STAT4: variants seen among roughly 807,000 people sequenced by gnomAD.
STAT4 encodes signal transducer and activator of transcription 4.
STAT4 carries 42 observed loss-of-function variants against 110.5 expected under a neutral mutation model. The observed-to-expected ratio is 0.38, with a 90% CI of 0.30 to 0.49. The LOEUF is 0.49. STAT4 is among the 20% of genes least tolerant of loss of function. STAT4 has a pLI of 0.95. For synonymous variants in STAT4, 284 were observed against 302.2 expected (o/e 0.94, Z 0.63); for missense variants, 632 against 887.9 (o/e 0.71, Z 3.66).
intron 3 of STAT4, among the ~76,000 whole-genome samples, chr2:191,109,505 C>T (rs1337876759): frequency 6.6e-6 from 1 of 152,056 alleles, no homozygotes; most frequent in East Asian, 1.9e-4. Flanking sequence ...AACATAGATG[C>T]TATGAATTCA....
intron 8 of STAT4, among the ~76,000 whole-genome samples, chr2:191,063,396 C>T (rs1696901810): frequency 6.6e-6 from 1 of 152,172 alleles, no homozygotes; most frequent in African/African-American, 2.4e-5. Flanking sequence ...TTTTACAAGT[C>T]CTAAGTACTA....
At chr2:191,102,148 C>T (rs890030115) in intron 3 of STAT4, among the ~76,000 whole-genome samples, 3 of 151,896 alleles carry the variant, frequency 2.0e-5, no homozygotes, top group African/African-American at 7.3e-5. Context: ...CAGACATTGG[C>T]GATGACCTTT....
rs1041442639 is a variant in STAT4 at position 191,043,570 on chromosome 2, G to T, written c.1252-2422C>A. 4.6e-5 allele frequency among the ~76,000 whole-genome samples: 7 copies of T among 151,956 alleles called. No homozygotes were observed. The highest frequency in any genetic ancestry group is 1.7e-4 in the African/African-American group (7 of 41,354). On this transcript the variant is annotated intron_variant, in intron 14 of 23. Coordinates refer to ENST00000392320, the MANE Select transcript of STAT4 (RefSeq NM_003151.4). This position sits in a 1 kb window ranked among gnomAD's most constrained non-coding sequence, Gnocchi z 4.8. ...AATTCTTGTTGAATCATCTGATTCT[G>T]ACTCATCTGCTACCAAATATATATA...
intron 3 of STAT4, among the ~76,000 whole-genome samples, chr2:191,105,604 C>G (rs13401064): frequency 0.086 from 13,016 of 152,062 alleles, 601 homozygotes; most frequent in South Asian, 0.13. Flanking sequence ...AAATAAAAAG[C>G]CAGTCTTCAT....
rs746976284 is a variant in STAT4, at chr2:191,090,717, T to C, written c.274-14392A>G. ...CTGGGACTAGAGGCACCCGCCACCA[T>C]GCCCGGCTAATTTTTTGTATTTTTA... On this transcript the variant is annotated intron_variant, in intron 3 of 23. Transcript: ENST00000392320. The surrounding 1 kb of genome is among the most constrained non-coding windows in gnomAD (Gnocchi z 4.2). Among the ~76,000 whole-genome samples, 2 of 151,990 alleles carry C rather than the reference T, an allele frequency of 1.3e-5. No homozygotes were observed. Among genetic ancestry groups the C allele is most frequent in the Admixed American group, 6.6e-5 (1 of 15,262 alleles).
rs16833235 is a variant in STAT4 at position 191,074,047 on chromosome 2, T to C, written c.373-857A>G. 7.9e-3 allele frequency among the ~76,000 whole-genome samples: 1,198 copies of C among 152,354 alleles called. 15 individuals carry two copies. Among genetic ancestry groups the C allele is most frequent in the Middle Eastern group, 0.037 (11 of 294 alleles). ...GGCCCTAAATTTAGAATTGGGGATG[T>C]TGAATCTGCTGGGATGAGATTTGTT... On this transcript the variant is annotated intron_variant, in intron 4 of 23. Coordinates refer to ENST00000392320, the MANE Select transcript of STAT4 (RefSeq NM_003151.4).
chr2:191,068,388 A>G (rs1239886588), intron 6 of STAT4: 2 of 152,136 alleles, frequency 1.3e-5, no homozygotes, highest in East Asian at 3.8e-4. Context: ...TGTTTGTGCC[A>G]TTTCTTCTGA....
chr2:191,090,818 C>T lies in STAT4; in HGVS notation c.274-14493G>A, dbSNP rs1166008138. 6.6e-6 allele frequency among the ~76,000 whole-genome samples: 1 copy of T among 152,110 alleles called. No individual in the cohort carries two copies. Among genetic ancestry groups the T allele is most frequent in the African/African-American group, 2.4e-5 (1 of 41,428 alleles). On this transcript the variant is annotated intron_variant, in intron 3 of 23. Coordinates refer to ENST00000392320, the MANE Select transcript of STAT4 (RefSeq NM_003151.4). This position sits in a 1 kb window ranked among gnomAD's most constrained non-coding sequence, Gnocchi z 4.2. The stretch of plus-strand genomic sequence containing the variant: ...CCAAGACAGGGGATGGTCTCGATCC[C>T]CTGACCTCGTGATCCACCCACCTTG...
In STAT4 at chr2:191,039,331, G is replaced by A; in HGVS notation, c.1336-34C>T. The stretch of plus-strand genomic sequence containing the variant: ...GGGGGAAAAAAGCATAGTTATTACA[G>A]GTAGTCCCACCTTACATTGATCTTA... On this transcript the variant is annotated intron_variant, in intron 15 of 23. Transcript: ENST00000392320. The surrounding 1 kb of genome is among the most constrained non-coding windows in gnomAD (Gnocchi z 4.7). The A allele has an allele frequency of 6.3e-7, 1 of 1,583,174 alleles. No homozygotes were observed.
chr2:191,122,155 C>G (rs1647960607), intron 3 of STAT4: 1 of 151,862 alleles, frequency 6.6e-6, no homozygotes, highest in South Asian at 2.1e-4. Flanking sequence ...CAAAACATCT[C>G]ATGTACCCCA....
At chr2:191,063,432 T>G (rs1162946040) in intron 8 of STAT4, among the ~76,000 whole-genome samples, 1 of 152,226 alleles carries the variant, frequency 6.6e-6, no homozygotes, top group Non-Finnish European at 1.5e-5. Context: ...TGACTCTCTT[T>G]AGAGTAAGGT....
chr2:191,075,573 G>A (rs911579238), intron 4 of STAT4, among the ~76,000 whole-genome samples: 1 of 152,158 alleles, frequency 6.6e-6, no homozygotes, highest in African/African-American at 2.4e-5. Context: ...TCAGCTTGGA[G>A]GTGATTACTA....
In STAT4 at chr2:191,099,214, T is replaced by C. The variant is rs1391961849; in HGVS notation, c.274-22889A>G. ...ACAAAAATAAAAAAGAATGATAATATCTATTGTTAATGAAGATATGGGGAT... is the reference window on the plus strand; with the variant it reads ...ACAAAAATAAAAAAGAATGATAATACCTATTGTTAATGAAGATATGGGGAT... On this transcript the variant is annotated intron_variant, in intron 3 of 23. Transcript: ENST00000392320. The surrounding 1 kb of genome is among the most constrained non-coding windows in gnomAD (Gnocchi z 4.1). 6.6e-6 allele frequency among the ~76,000 whole-genome samples: 1 copy of C among 152,078 alleles called. No homozygotes were observed. Among genetic ancestry groups the C allele is most frequent in the Non-Finnish European group, 1.5e-5 (1 of 67,998 alleles).
At chr2:191,151,291 T>C, upstream of STAT4, 1 of 985,690 alleles carries the variant, frequency 1.0e-6, no homozygotes, top group Middle Eastern at 5.2e-4. This position sits in a 1 kb window ranked among gnomAD's most constrained non-coding sequence, Gnocchi z 4.7. Flanking sequence ...TTTTCTTCAG[T>C]GGTTTCCTTA....
chr2:191,030,392 C>T lies in STAT4; in HGVS notation c.2221-526G>A, dbSNP rs570464624. Among the ~76,000 whole-genome samples the T allele has an allele frequency of 6.6e-6, 1 of 152,004 alleles. No homozygotes were observed. Among genetic ancestry groups the T allele is most frequent in the Non-Finnish European group, 1.5e-5 (1 of 68,000 alleles). ...TGGATAAGAGCAAATAGCATGCATCCCAAATAACATTATTGCATTAAAGAT... is the reference window on the plus strand; with the variant it reads ...TGGATAAGAGCAAATAGCATGCATCTCAAATAACATTATTGCATTAAAGAT... On this transcript the variant is annotated intron_variant, in intron 23 of 23. Coordinates refer to ENST00000392320, the MANE Select transcript of STAT4 (RefSeq NM_003151.4). The surrounding 1 kb of genome is among the most constrained non-coding windows in gnomAD (Gnocchi z 4.4).
In STAT4 at chr2:191,142,324, A is replaced by G. The variant is rs1699357819; in HGVS notation, c.273+4289T>C. ...CATTTGCAGCAACACGGATCGTACA[A>G]GATGTCATTATGTTAAATAAAATAA... On this transcript the variant is annotated intron_variant, in intron 3 of 23. Transcript: ENST00000392320. This position sits in a 1 kb window ranked among gnomAD's most constrained non-coding sequence, Gnocchi z 4.1. Among the ~76,000 whole-genome samples, 1 of 152,176 alleles carries G rather than the reference A, an allele frequency of 6.6e-6. No homozygotes were observed. Among genetic ancestry groups the G allele is most frequent in the Non-Finnish European group, 1.5e-5 (1 of 68,034 alleles).
At chr2:191,089,337 A>G (rs1330873819) in intron 3 of STAT4, among the ~76,000 whole-genome samples, 1 of 152,218 alleles carries the variant, frequency 6.6e-6, no homozygotes, top group Non-Finnish European at 1.5e-5. Flanking sequence ...AGGGAAATGC[A>G]TACTAAAATA....
intron 3 of STAT4, among the ~76,000 whole-genome samples, chr2:191,122,673 T>C (rs1385599713): frequency 2.6e-5 from 4 of 152,126 alleles, no homozygotes; most frequent in Non-Finnish European, 5.9e-5. Context: ...TAAGCTGTAA[T>C]TAAAAACAAA....
chr2:191,125,477 T>TTATTATTATTATTATTAA (rs1698854873), intron 3 of STAT4, among the ~76,000 whole-genome samples: 1 of 17,036 alleles, frequency 5.9e-5, no homozygotes, highest in Non-Finnish European at 1.8e-4. Context: ...TCCTCATTAT[T>TTATTATTATTATTATTAA]TATTATTATT....
Sources: gnomAD v4.1 joint callset for allele counts (sites outside exome capture counted in the v4.1 genomes callset) on GRCh38, gnomAD v4.1.1 for gene constraint, Gnocchi (gnomAD v3.1) non-coding constraint, MANE v1.5 for transcripts, NCBI Gene and HGNC (gene_info 2026-07-23, HGNC 2026-07-21) for gene names.